The following EPN1 variants were observed in gnomAD, a reference collection of about 807,000 sequenced individuals.
EPN1 encodes epsin-1.
Under a neutral mutation model 56.9 loss-of-function variants are expected in EPN1, and 25 were observed. The ratio of observed to expected loss-of-function variants is 0.44; its 90% CI spans 0.32 to 0.61. EPN1 has a LOEUF of 0.61. EPN1 is among the 20% of genes least tolerant of loss of function. EPN1 has a pLI of 0.05. For synonymous variants in EPN1, 411 were observed against 361.8 expected (o/e 1.14, Z -1.54); for missense variants, 785 against 823.7 (o/e 0.95, Z 0.58).
At chr19:55,690,357 G>A (rs969132316) in intron 6 of EPN1, among the ~76,000 whole-genome samples, 1 of 152,252 alleles carries the variant, frequency 6.6e-6, no homozygotes, top group African/African-American at 2.4e-5. Flanking sequence ...CACACCCAGG[G>A]CCTGTTGGTG....
chr19:55,692,740 C>A lies in EPN1; in HGVS notation c.1121C>A (p.Ala374Asp). Residue 374 changes from alanine to aspartate, a missense_variant, in exon 8 of 11, where the codon GCC (alanine) becomes GAC (aspartate). Ala to Asp is a moderately radical substitution (Grantham distance 126). This residue lies in a region of EPN1 where 650 missense variants were observed against 605.0 expected (regional missense o/e 1.07). Coordinates refer to ENST00000270460, the MANE Select transcript of EPN1 (RefSeq NM_001130072.2). ...SASDPWTPAP[A>D]FSDPWGGSPA... ...TCCGATCCCTGGACACCGGCCCCGG[C>A]CTTCTCAGATCCCTGGGGAGGGTCA... 1 of 1,578,746 alleles carries A rather than the reference C, an allele frequency of 6.3e-7. No homozygotes were observed. The highest frequency in any genetic ancestry group is 8.6e-7 in the Non-Finnish European group (1 of 1,162,864).
intron 3 of EPN1, among the ~76,000 whole-genome samples, chr19:55,687,072 T>C (rs1485633845): frequency 2.6e-5 from 4 of 152,174 alleles, no homozygotes; most frequent in Non-Finnish European, 5.9e-5. Context: ...GAAATTTGAA[T>C]TTTATGTAGT....
chr19:55,681,046 G>A (rs938669963), intron 2 of EPN1, among the ~76,000 whole-genome samples: 1 of 152,234 alleles, frequency 6.6e-6, no homozygotes, highest in Non-Finnish European at 1.5e-5. Flanking sequence ...TGGGGGAGCT[G>A]GGGCTTGGGC....
chr19:55,701,609 C>T lies in EPN1; in HGVS notation c.*6253C>T, dbSNP rs1293871178. ...GAGCTGACATTAATGAGAACTTCTCCCTGTTAGACCCTTAAAATACTGAGC... is the reference window on the plus strand; with the variant it reads ...GAGCTGACATTAATGAGAACTTCTCTCTGTTAGACCCTTAAAATACTGAGC... On this transcript the variant is annotated 3_prime_UTR_variant, in exon 11 of 11. Transcript: ENST00000270460. 2 of 152,076 alleles carry T rather than the reference C, an allele frequency of 1.3e-5. No homozygotes were observed. The highest frequency in any genetic ancestry group is 4.8e-5 in the African/African-American group (2 of 41,366). The allele number at this position is 152,076 out of a possible 1,614,324, so 9.4% of individuals were successfully genotyped here. A position where few individuals can be genotyped will look rare whatever the true frequency, so the allele number is the denominator to read the frequency against.
intron 3 of EPN1, among the ~76,000 whole-genome samples, chr19:55,688,526 A>C (rs944487210): frequency 1.3e-5 from 2 of 152,112 alleles, no homozygotes; most frequent in African/African-American, 4.8e-5. Flanking sequence ...CCCATCCCCC[A>C]GGGGCCCAGG....
Position 55,685,611 on chromosome 19 carries a change from C to T in EPN1, c.444C>T (p.Leu148=). 1.2e-6 allele frequency: 2 copies of T among 1,603,042 alleles called. No homozygotes were observed. The highest frequency in any genetic ancestry group is 1.7e-6 in the Non-Finnish European group (2 of 1,175,672). ...TGCGGGAAGAGCGGGCGCACGCGCTCAAGACCAAGGAAAAGCTGGCACAGA... is the reference window on the plus strand; with the variant it reads ...TGCGGGAAGAGCGGGCGCACGCGCTTAAGACCAAGGAAAAGCTGGCACAGA... The part of the protein sequence containing the change: ...DRLREERAHA[L]KTKEKLAQTA... The change falls in exon 3 of 11, where the codon CTC becomes CTT. Residue 148 remains leucine (L), a synonymous_variant. Coordinates refer to ENST00000270460, the MANE Select transcript of EPN1 (RefSeq NM_001130072.2).
chr19:55,705,251 T>TA lies in EPN1; in HGVS notation c.*9896dup, dbSNP rs1987334866. 2 of 152,148 alleles carry TA rather than the reference T, an allele frequency of 1.3e-5. No individual in the cohort carries two copies. The highest frequency in any genetic ancestry group is 1.3e-4 in the Admixed American group (2 of 15,272). The allele number at this position is 152,148 out of a possible 1,614,324, so 9.4% of individuals were successfully genotyped here. A position where few individuals can be genotyped will look rare whatever the true frequency, so the allele number is the denominator to read the frequency against. The stretch of plus-strand genomic sequence containing the variant: ...TGCTGACTGCAGGGAGATGGGGAGA[T>TA]ATGTTTTGTAAACCTGTCCAGGCAA... On this transcript the variant is annotated 3_prime_UTR_variant, in exon 11 of 11. Coordinates refer to ENST00000270460, the MANE Select transcript of EPN1 (RefSeq NM_001130072.2).
At position 55,679,623 on chromosome 19, in the gene EPN1, G is replaced by A. The variant is rs1208325974; in HGVS notation, c.228+768G>A. Reference sequence around the variant, plus strand: ...CGCTTAGACCTGGGCCTGCTCTGGCGGAGGTCCCTGTCCTTGCTGATCTTT... The same window carrying A: ...CGCTTAGACCTGGGCCTGCTCTGGCAGAGGTCCCTGTCCTTGCTGATCTTT... On this transcript the variant is annotated intron_variant, in intron 2 of 10. Coordinates refer to ENST00000270460, the MANE Select transcript of EPN1 (RefSeq NM_001130072.2). Among the ~76,000 whole-genome samples, 4 of 152,176 alleles carry A rather than the reference G, an allele frequency of 2.6e-5. No individual in the cohort carries two copies. The East Asian group carries it at 5.8e-4, about 22-fold the overall frequency.
At position 55,695,138 on chromosome 19, in the gene EPN1, C is replaced by G. The variant is rs1030955265; in HGVS notation, c.1523-10C>G. On this transcript the variant is annotated splice_polypyrimidine_tract_variant and intron_variant, in intron 10 of 10. Coordinates refer to ENST00000270460, the MANE Select transcript of EPN1 (RefSeq NM_001130072.2). This position sits in a 1 kb window ranked among gnomAD's most constrained non-coding sequence, Gnocchi z 4.4. ...CTCCACTCCGTGTCTCTGGTTTACT[C>G]TTCCTGCAGGAGGCCCAGCCACTGG... 2 of 1,613,606 alleles carry G rather than the reference C, an allele frequency of 1.2e-6. No individual in the cohort carries two copies. The highest frequency in any genetic ancestry group is 2.7e-5 in the African/African-American group (2 of 74,940).
At position 55,695,319 on chromosome 19, in the gene EPN1, G is replaced by GC. The variant is rs1568582583; in HGVS notation, c.1700dup (p.Ala568GlyfsTer5). The stretch of plus-strand genomic sequence containing the variant: ...GGCCTGCCCCCCATGATGCCCCCGG[G>GC]CCCCCCGGCCCCCAACACTAATCCC... On this transcript the variant is annotated frameshift_variant, in exon 11 of 11. Transcript: ENST00000270460. LOFTEE classifies it high-confidence loss of function. This position sits in a 1 kb window ranked among gnomAD's most constrained non-coding sequence, Gnocchi z 4.4. 4.6e-6 allele frequency: 7 copies of GC among 1,535,190 alleles called. No individual in the cohort carries two copies. Among genetic ancestry groups the GC allele is most frequent in the Non-Finnish European group, 6.1e-6 (7 of 1,140,284 alleles).
In EPN1 at chr19:55,694,518, G is replaced by A; in HGVS notation, c.1265-208G>A. On this transcript the variant is annotated intron_variant, in intron 9 of 10. Coordinates refer to ENST00000270460, the MANE Select transcript of EPN1 (RefSeq NM_001130072.2). The surrounding 1 kb of genome is among the most constrained non-coding windows in gnomAD (Gnocchi z 4.2). ...GTCATCCCTCTTGTGTTTGCTCACT[G>A]GAATCAGACCCACCTTATGGGAATC... is the stretch of plus-strand genomic sequence containing the variant. 1 of 494,660 alleles carries A rather than the reference G, an allele frequency of 2.0e-6. No homozygotes were observed. 30.6% of individuals were successfully genotyped at this position (494,660 alleles called of 1,614,324 possible). A position where few individuals can be genotyped will look rare whatever the true frequency, so the allele number is the denominator to read the frequency against.
chr19:55,692,515 A>G, intron 7 of EPN1, 171 bp from the exon 8 acceptor site: 2 of 487,198 alleles, frequency 4.1e-6, no homozygotes, highest in Non-Finnish European at 7.2e-6. Flanking sequence ...AGAGCCTGGC[A>G]GAGAAGCCCA....
At chr19:55,685,263 G>A in intron 2 of EPN1, 133 bp from the exon 3 acceptor site, 1 of 1,104,282 alleles carries the variant, frequency 9.1e-7, no homozygotes, top group Non-Finnish European at 1.3e-6. Context: ...GGACAGATGT[G>A]TGTCCACCCA....
Position 55,706,299 on chromosome 19 carries a change from T to TTTTTTTTTTTTTTAA in EPN1, c.*10943_*10944insTTTTTTTTTTTTTAA, listed in dbSNP as rs1324277673. ...TTTCTTCTTCTTTTTTTTTTTTTTT[T>TTTTTTTTTTTTTTAA]AAAAGACCGTGTTTCGCTCTGTCAC... On this transcript the variant is annotated 3_prime_UTR_variant, in exon 11 of 11. Transcript: ENST00000270460. 2.6e-5 allele frequency: 4 copies of TTTTTTTTTTTTTTAA among 154,886 alleles called. No homozygotes were observed. The highest frequency in any genetic ancestry group is 1.0e-4 in the African/African-American group (4 of 39,350). The allele number at this position is 154,886 out of a possible 1,614,324, so 9.6% of individuals were successfully genotyped here. A position where few individuals can be genotyped will look rare whatever the true frequency, so the allele number is the denominator to read the frequency against.
rs1397195178 is a variant in EPN1 at position 55,704,270 on chromosome 19, G to C, written c.*8914G>C. The C allele has an allele frequency of 6.6e-6, 1 of 152,302 alleles. No individual in the cohort carries two copies. The highest frequency in any genetic ancestry group is 1.5e-5 in the Non-Finnish European group (1 of 68,182). 9.4% of individuals were successfully genotyped at this position (152,302 alleles called of 1,614,324 possible). ...CAGTCACTGTCACTAGCTGAACTGCGCCCTCCTGAAAGCTCTATGTTGAAA... is the reference window on the plus strand; with the variant it reads ...CAGTCACTGTCACTAGCTGAACTGCCCCCTCCTGAAAGCTCTATGTTGAAA... On this transcript the variant is annotated 3_prime_UTR_variant, in exon 11 of 11. Transcript: ENST00000270460.
intron 1 of EPN1, chr19:55,677,104 T>G: frequency 3.2e-6 from 5 of 1,543,968 alleles, no homozygotes; most frequent in Non-Finnish European, 4.4e-6. Flanking sequence ...GTCATCCCTA[T>G]CTCCCCTGGG....
Position 55,694,341 on chromosome 19 carries a change from A to T in EPN1, c.1265-385A>T, listed in dbSNP as rs1986776777. 1 of 203,578 alleles carries T rather than the reference A, an allele frequency of 4.9e-6. No homozygotes were observed. The highest frequency in any genetic ancestry group is 1.8e-4 in the South Asian group (1 of 5,428). The allele number at this position is 203,578 out of a possible 1,614,324, so 12.6% of individuals were successfully genotyped here. A position where few individuals can be genotyped will look rare whatever the true frequency, so the allele number is the denominator to read the frequency against. ...TTGGAAGCTCCCTCTGGGGCTGTGTACTCAAGGAGCGTCTGAGGGCAGGCT... is the reference window on the plus strand; with the variant it reads ...TTGGAAGCTCCCTCTGGGGCTGTGTTCTCAAGGAGCGTCTGAGGGCAGGCT... On this transcript the variant is annotated intron_variant, in intron 9 of 10. Transcript: ENST00000270460. The surrounding 1 kb of genome is among the most constrained non-coding windows in gnomAD (Gnocchi z 4.2).
In EPN1 at chr19:55,689,486, C is replaced by A; in HGVS notation, c.678+115C>A. ...GCTGGGCCCGAAGCCCACAGGCTCA[C>A]GCGTGTTGAAACCTCAGTACCTTCA... On this transcript the variant is annotated intron_variant, in intron 5 of 10. Coordinates refer to ENST00000270460, the MANE Select transcript of EPN1 (RefSeq NM_001130072.2). The surrounding 1 kb of genome is among the most constrained non-coding windows in gnomAD (Gnocchi z 5.7). 1.3e-6 allele frequency: 1 copy of A among 781,350 alleles called. No individual in the cohort carries two copies. Among genetic ancestry groups the A allele is most frequent in the Admixed American group, 2.2e-5 (1 of 45,330 alleles). The allele number at this position is 781,350 out of a possible 1,614,324, so 48.4% of individuals were successfully genotyped here. A position where few individuals can be genotyped will look rare whatever the true frequency, so the allele number is the denominator to read the frequency against.
In EPN1 at chr19:55,704,543, A is replaced by T. The variant is rs759040181; in HGVS notation, c.*9187A>T. 8 of 152,220 alleles carry T rather than the reference A, an allele frequency of 5.3e-5. No homozygotes were observed. 9.4% of individuals were successfully genotyped at this position (152,220 alleles called of 1,614,324 possible). ...CCTTCATCTTGAATTTCTGGTTTCC[A>T]GAACTGTGAGAAAATCCATTGACGT... On this transcript the variant is annotated 3_prime_UTR_variant, in exon 11 of 11. Coordinates refer to ENST00000270460, the MANE Select transcript of EPN1 (RefSeq NM_001130072.2).
Sources: allele counts gnomAD v4.1 joint callset (sites outside exome capture counted in the v4.1 genomes callset), GRCh38; gene constraint gnomAD v4.1.1; regional missense constraint gnomAD v4.1.1; non-coding constraint Gnocchi (gnomAD v3.1); transcripts MANE v1.5; gene names NCBI Gene and HGNC (gene_info 2026-07-23, HGNC 2026-07-21).